Variants in NEB observed in about 807,000 individuals in gnomAD.
NEB encodes nemaline myopathy type 2.
Under a neutral mutation model 952.2 loss-of-function variants are expected in NEB, and 512 were observed. The ratio of observed to expected loss-of-function variants is 0.54; its 90% confidence interval spans 0.50 to 0.58. The LOEUF (loss-of-function observed/expected upper bound fraction) is 0.58, where lower values mean the gene tolerates loss of function less well. Ranked by LOEUF, NEB falls within the 20% of genes least tolerant of loss-of-function variation. The pLI is 0.00. For missense variants in NEB, 8,428 were observed against 9,231.1 expected (o/e 0.91, Z 3.56); for synonymous variants, 2,900 against 3,149.8 (o/e 0.92, Z 2.66).
chr2:151,547,279 C>T (rs2094832846), intron 133 of NEB, 150 bp downstream of exon 133: 6 of 626,850 alleles, frequency 9.6e-6, no homozygotes, highest in Non-Finnish European at 2.8e-6. Context: ...TGGCATCCTT[C>T]TCCCACACTG....
intron 167 of NEB, 114 bp from the exon 168 acceptor site, chr2:151,501,597 T>C (rs2064618575): frequency 2.0e-6 from 1 of 502,528 alleles, no homozygotes; most frequent in South Asian, 5.4e-5. Context: ...TATGATGAAG[T>C]ACCTCAGTAA....
In NEB at chr2:151,716,114, T is replaced by A. The variant is rs1462831753; in HGVS notation, c.822+1302A>T. On this transcript the variant is annotated intron_variant, in intron 10 of 181. Transcript: ENST00000397345. ...TGTCCTTCTCCCGTCTTATTTACAA[T>A]ATCAACACTTTCTTTCTTTTTTTTT... The A allele has an allele frequency of 1.6e-5, 7 of 435,794 alleles. No individual in the cohort carries two copies. In the East Asian group the frequency reaches 4.2e-4, roughly 26 times the overall value. 27.0% of individuals were successfully genotyped at this position (435,794 alleles called of 1,614,324 possible). A position where few individuals can be genotyped will look rare whatever the true frequency, so the allele number is the denominator to read the frequency against.
chr2:151,658,996 T>C (rs1439954591), intron 47 of NEB, 69 bp downstream of exon 47: 12 of 1,037,686 alleles, frequency 1.2e-5, no homozygotes, highest in Non-Finnish European at 1.5e-5. Context: ...AGAGAGATAT[T>C]AATTAATTTG....
intron 170 of NEB, 136 bp from the exon 171 acceptor site, chr2:151,497,854 T>G: frequency 6.6e-7 from 1 of 1,514,098 alleles, no homozygotes; most frequent in Non-Finnish European, 8.8e-7. Context: ...CCGACTACTT[T>G]AGTGGAAGCT....
At chr2:151,682,100 A>G (rs2099418142) in intron 29 of NEB, among the ~76,000 whole-genome samples, 1 of 152,224 alleles carries the variant, frequency 6.6e-6, no homozygotes, top group African/African-American at 2.4e-5. Context: ...AATTACAAGC[A>G]GAAACATTAC....
rs183682408 is a variant in NEB, at chr2:151,714,219, C to T, written c.822+3197G>A. 9.1e-4 allele frequency among the ~76,000 whole-genome samples: 139 copies of T among 152,288 alleles called. 2 individuals are homozygous for T. Among genetic ancestry groups the T allele is most frequent in the African/African-American group, 2.9e-3 (121 of 41,552 alleles). ...CAAAGAAGAAAACAATTCCCTCTGA[C>T]CCCTTCCCTGAGTTTTCAACTGAAC... is the stretch of plus-strand genomic sequence containing the variant. On this transcript the variant is annotated intron_variant, in intron 10 of 181. Transcript: ENST00000397345.
chr2:151,684,852 A>G lies in NEB; in HGVS notation c.2761T>C (p.Leu921=), dbSNP rs911451511. The G allele has an allele frequency of 6.2e-7, 1 of 1,613,408 alleles. No homozygotes were observed. The highest frequency in any genetic ancestry group is 8.5e-7 in the Non-Finnish European group (1 of 1,179,622). The part of the protein sequence containing the change: ...IASDVDYKHI[L]HSYSYPPDSI... ...TCAGGGGGGTAGCTGTAACTGTGTA[A>G]GATGTGCTTATAATCAACGTCGCTG... Residue 921 remains leucine, a synonymous_variant, in exon 28 of 182, where the codon TTA becomes CTA. Transcript: ENST00000397345.
intron 81 of NEB, among the ~76,000 whole-genome samples, chr2:151,608,905 CAAAAA>C (rs1163520121): frequency 1.8e-3 from 63 of 34,396 alleles, no homozygotes; most frequent in African/African-American, 7.7e-3. Context: ...CTCCGTCTCA[CAAAAA>C]AAAAAAAAAA....
At chr2:151,522,817 G>A (rs2082806826) in intron 153 of NEB, among the ~76,000 whole-genome samples, 1 of 152,136 alleles carries the variant, frequency 6.6e-6, no homozygotes. Flanking sequence ...CCTCTCCTTT[G>A]GCCTTTGAGG....
chr2:151,660,217 T>A (rs1156316728), intron 46 of NEB, among the ~76,000 whole-genome samples: 1 of 152,208 alleles, frequency 6.6e-6, no homozygotes, highest in Non-Finnish European at 1.5e-5. Context: ...CAAGACTTTG[T>A]CATGCCAGCA....
In NEB at chr2:151,546,356, G is replaced by A. The variant is rs1282424661; in HGVS notation, c.20455C>T (p.Arg6819Trp). 8 of 1,611,956 alleles carry A rather than the reference G, an allele frequency of 5.0e-6. No individual in the cohort carries two copies. Among genetic ancestry groups the A allele is most frequent in the East Asian group, 2.2e-5 (1 of 44,856 alleles). The change falls in exon 134 of 182, where the codon CGG (arginine) becomes TGG (tryptophan). Residue 6819 changes from arginine to tryptophan, a missense_variant. By Grantham distance (101) the Arg-to-Trp change is moderately radical (BLOSUM62 -3). Coordinates refer to ENST00000397345, the MANE Select transcript of NEB (RefSeq NM_001164508.2). ...TPDMVRSRHLRKLWSNYLYTD... is the reference protein window; with the variant it reads ...TPDMVRSRHLWKLWSNYLYTD... Reference sequence around the variant, plus strand: ...TGATGTGCACTCACCCAGAGCTTCCGCAGGTGCCGGGAGCGGACCATGTCA... The same window carrying A: ...TGATGTGCACTCACCCAGAGCTTCCACAGGTGCCGGGAGCGGACCATGTCA...
Position 151,697,463 on chromosome 2 carries a change from A to G in NEB, c.1258-6T>C, listed in dbSNP as rs1426310327. On this transcript the variant is annotated splice_region_variant and splice_polypyrimidine_tract_variant and intron_variant, in intron 14 of 181. Transcript: ENST00000397345. ...TAGGAATCTTTATATTTTTTCTGCAAGACAAAACATACTTCATTTATTAAT... is the reference window on the plus strand; with the variant it reads ...TAGGAATCTTTATATTTTTTCTGCAGGACAAAACATACTTCATTTATTAAT... 1 of 1,610,734 alleles carries G rather than the reference A, an allele frequency of 6.2e-7. No individual in the cohort carries two copies. Among genetic ancestry groups the G allele is most frequent in the East Asian group, 2.2e-5 (1 of 44,858 alleles).
At position 151,524,561 on chromosome 2, in the gene NEB, C is replaced by T. The variant is rs2084210932; in HGVS notation, c.22328G>A (p.Arg7443Gln). 1.0e-5 allele frequency: 16 copies of T among 1,606,290 alleles called. No individual in the cohort carries two copies. The highest frequency in any genetic ancestry group is 4.1e-5 in the African/African-American group (3 of 73,652). The change falls in exon 152 of 182, where the codon CGA (arginine) becomes CAA (glutamine). Residue 7443 changes from arginine to glutamine, a missense_variant. Physicochemically the swap from Arg to Gln is conservative, Grantham distance 43. This residue lies in a region of NEB where 3,374 missense variants were observed against 3,651.5 expected (regional missense o/e 0.92). Coordinates refer to ENST00000397345, the MANE Select transcript of NEB (RefSeq NM_001164508.2). ...CTGTGTGGCCTTCTTGATGTCTGGTCGATCAGCCACTGTGGTGTAATGCAG... is the reference window on the plus strand; with the variant it reads ...CTGTGTGGCCTTCTTGATGTCTGGTTGATCAGCCACTGTGGTGTAATGCAG... ...ENLHYTTVAD[R>Q]PDIKKATQAA...
chr2:151,718,718 C>T (rs1192649186), intron 9 of NEB, among the ~76,000 whole-genome samples: 3 of 152,158 alleles, frequency 2.0e-5, no homozygotes, highest in Non-Finnish European at 4.4e-5. Flanking sequence ...TTCTCACAAC[C>T]CCAAACTCTC....
Position 151,501,484 on chromosome 2 carries a change from CTG to C in NEB, c.23929-3_23929-2del, listed in dbSNP as rs1217738625. 1 of 1,470,492 alleles carries C rather than the reference CTG, an allele frequency of 6.8e-7. No individual in the cohort carries two copies. The highest frequency in any genetic ancestry group is 1.4e-5 in the African/African-American group (1 of 70,844). The allele number at this position is 1,470,492 out of a possible 1,614,324, so 91.1% of individuals were successfully genotyped here. On this transcript the variant is annotated splice_acceptor_variant and splice_polypyrimidine_tract_variant and intron_variant, in intron 167 of 181. Coordinates refer to ENST00000397345, the MANE Select transcript of NEB (RefSeq NM_001164508.2). LOFTEE classifies it high-confidence loss of function. Reference sequence around the variant, plus strand: ...TGCTCAAGTTCTCTTTGTACAATATCTGTGTGCACAAAACCAACAAACAAATC... The same window carrying C: ...TGCTCAAGTTCTCTTTGTACAATATCTGTGCACAAAACCAACAAACAAATC...
At chr2:151,718,295 G>C (rs2099764966) in intron 9 of NEB, among the ~76,000 whole-genome samples, 1 of 152,176 alleles carries the variant, frequency 6.6e-6, no homozygotes, top group Admixed American at 6.5e-5. Context: ...CTGAACCCCA[G>C]CACTTAGCTT....
chr2:151,565,528 G>A lies in NEB; in HGVS notation c.18339C>T (p.Ala6113=), dbSNP rs910166443. The A allele has an allele frequency of 1.3e-6, 2 of 1,598,314 alleles. No homozygotes were observed. Among genetic ancestry groups the A allele is most frequent in the Non-Finnish European group, 1.7e-6 (2 of 1,167,126 alleles). Residue 6113 remains alanine, a synonymous_variant, in exon 116 of 182, where the codon GCC becomes GCT. Transcript: ENST00000397345. ...SVVDPPEIVL[A]KINSVNQSDV... is the part of the protein sequence containing the mutation. Reference sequence around the variant, plus strand: ...CACTTTGATTGACAGAATTAATCTTGGCTAAAACAATCTCTGGAGGATCCA... The same window carrying A: ...CACTTTGATTGACAGAATTAATCTTAGCTAAAACAATCTCTGGAGGATCCA...
chr2:151,532,686 TATTG>T (rs2091934240), intron 143 of NEB, among the ~76,000 whole-genome samples: 1 of 151,828 alleles, frequency 6.6e-6, no homozygotes, highest in East Asian at 1.9e-4. Context: ...TCATTTCACA[TATTG>T]ATTTCATGGT....
intron 176 of NEB, 29 bp downstream of exon 176, chr2:151,493,324 C>G: frequency 1.3e-6 from 2 of 1,497,660 alleles, no homozygotes; most frequent in Non-Finnish European, 1.9e-6. Flanking sequence ...CAAGTTGTTG[C>G]ACTATTTCTT....
Sources: allele counts gnomAD v4.1 joint callset (sites outside exome capture counted in the v4.1 genomes callset), GRCh38; gene constraint gnomAD v4.1.1; regional missense constraint gnomAD v4.1.1; transcripts MANE v1.5; gene names NCBI Gene and HGNC (gene_info 2026-07-23, HGNC 2026-07-21).